PDE8B: variants seen among roughly 807,000 people sequenced by gnomAD.
The protein encoded by PDE8B is phosphodiesterase 8B.
A neutral mutation model predicts 101.3 loss-of-function variants in PDE8B; 26 were observed. The ratio of observed to expected loss-of-function variants is 0.26; its 90% CI spans 0.19 to 0.36. The LOEUF (loss-of-function observed/expected upper bound fraction) is 0.36, where lower values mean the gene tolerates loss of function less well. Among genes scored for constraint, PDE8B ranks in the 10% least tolerant of loss-of-function variants. The pLI, the probability that PDE8B is intolerant of heterozygous loss-of-function variation, is 1.00. For missense variants in PDE8B, 810 were observed against 1,163.1 expected, an observed-to-expected ratio of 0.70 and a Z score of 4.42; for synonymous variants, 424 against 429.3, an observed-to-expected ratio of 0.99 and a Z score of 0.15.
At chr5:77,311,381 G>A (rs1772578854) in intron 1 of PDE8B, among the ~76,000 whole-genome samples, 1 of 152,168 alleles carries the variant, frequency 6.6e-6, no homozygotes, top group Non-Finnish European at 1.5e-5. Flanking sequence ...CAAGCCTCTC[G>A]TGGTCATCAT....
At chr5:77,154,508 A>T in the PDE8B span, among the ~76,000 whole-genome samples, 1 of 152,214 alleles carries the variant, frequency 6.6e-6, no homozygotes, top group South Asian at 2.1e-4. Flanking sequence ...AGAATCGGTC[A>T]TGAAACTGGG....
At chr5:77,359,256 G>T (rs773644320) in intron 10 of PDE8B, among the ~76,000 whole-genome samples, 9 of 152,198 alleles carry the variant, frequency 5.9e-5, no homozygotes. Flanking sequence ...GCTGCTGGAG[G>T]TGATCATGCC....
In PDE8B at chr5:77,366,649, G is replaced by T. The variant is rs1784205540; in HGVS notation, c.1167+13243G>T. Among the ~76,000 whole-genome samples the T allele has an allele frequency of 2.0e-5, 3 of 152,112 alleles. No homozygotes were observed. In the South Asian group the frequency reaches 6.2e-4, roughly 32 times the overall value. On this transcript the variant is annotated intron_variant, in intron 10 of 21. Coordinates refer to ENST00000264917, the MANE Select transcript of PDE8B (RefSeq NM_003719.5). Reference sequence around the variant, plus strand: ...AATACAGCCTCGTGGGTGTGTGGGGGTCTGCCTGGCCTGCAGCAGCTCCAT... The same window carrying T: ...AATACAGCCTCGTGGGTGTGTGGGGTTCTGCCTGGCCTGCAGCAGCTCCAT...
the PDE8B span, among the ~76,000 whole-genome samples, chr5:77,130,647 T>C: frequency 1.3e-5 from 2 of 152,220 alleles, no homozygotes; most frequent in South Asian, 4.1e-4. Flanking sequence ...CACCTTATGG[T>C]AGAAAACACC....
chr5:77,251,996 C>G (rs1047958776), intron 1 of PDE8B, among the ~76,000 whole-genome samples: 1 of 152,158 alleles, frequency 6.6e-6, no homozygotes, highest in African/African-American at 2.4e-5. Context: ...CGAAGGCAGC[C>G]TCTATTTCTG....
the PDE8B span, chr5:77,105,819 C>T: frequency 4.6e-5 from 7 of 152,130 alleles, no homozygotes; most frequent in African/African-American, 1.7e-4. Flanking sequence ...TTAGTATTGC[C>T]TGTCTCTTTA....
At chr5:77,404,213 C>G (rs892597710) in intron 11 of PDE8B, among the ~76,000 whole-genome samples, 11 of 152,172 alleles carry the variant, frequency 7.2e-5, no homozygotes, top group African/African-American at 1.9e-4. Context: ...GTCTCGAACT[C>G]CTGACTTCGT....
Position 77,211,242 on chromosome 5 carries a change from A to G in PDE8B, c.317A>G (p.Gln106Arg). The G allele has an allele frequency of 6.3e-7, 1 of 1,576,340 alleles. No homozygotes were observed. Among genetic ancestry groups the G allele is most frequent in the East Asian group, 2.3e-5 (1 of 43,384 alleles). Residue 106 changes from glutamine to arginine, a missense_variant, in exon 1 of 22, where the codon CAG (glutamine) becomes CGG (arginine). This residue lies in a region of PDE8B where 251 missense variants were observed against 378.8 expected (regional missense o/e 0.66). Coordinates refer to ENST00000264917, the MANE Select transcript of PDE8B (RefSeq NM_003719.5). This position sits in a 1 kb window ranked among gnomAD's most constrained non-coding sequence, Gnocchi z 4.1. ...HCCSSAEAET[Q>R]TCYTSVKQVS... ...TGCAGCAGCGCCGAGGCCGAGACTC[A>G]GACCTGCTACACCAGCGTGAAGGTA... is the stretch of plus-strand genomic sequence containing the variant.
intron 1 of PDE8B, among the ~76,000 whole-genome samples, chr5:77,217,540 A>G (rs1048139664): frequency 2.8e-5 from 4 of 145,126 alleles, no homozygotes; most frequent in African/African-American, 1.0e-4. Context: ...GAAAACACCA[A>G]TTTTTTTTTT....
the PDE8B span, among the ~76,000 whole-genome samples, chr5:77,203,038 A>G: frequency 6.6e-6 from 1 of 152,200 alleles, no homozygotes; most frequent in Non-Finnish European, 1.5e-5. Context: ...AGTGATTTCT[A>G]ATGACTAGAA....
chr5:77,372,220 A>G (rs1430060759), intron 10 of PDE8B, among the ~76,000 whole-genome samples: 1 of 152,136 alleles, frequency 6.6e-6, no homozygotes, highest in East Asian at 1.9e-4. Flanking sequence ...CAACAACAAC[A>G]ACAACAACAA....
chr5:77,317,247 A>G (rs906817447), intron 2 of PDE8B, among the ~76,000 whole-genome samples: 1 of 152,164 alleles, frequency 6.6e-6, no homozygotes, highest in African/African-American at 2.4e-5. Context: ...GCTATGTCCT[A>G]ATGTTTTTAT....
At chr5:77,134,602 A>T in the PDE8B span, 1 of 152,274 alleles carries the variant, frequency 6.6e-6, no homozygotes, top group Non-Finnish European at 1.5e-5. Flanking sequence ...CTGCCTGTAC[A>T]CAATGGGACA....
At chr5:77,221,734 A>G (rs781713698) in intron 1 of PDE8B, among the ~76,000 whole-genome samples, 8 of 152,172 alleles carry the variant, frequency 5.3e-5, no homozygotes, top group Non-Finnish European at 1.0e-4. Flanking sequence ...TTTGCTTAGT[A>G]TCATTATGAA....
chr5:77,298,567 A>G (rs1769148826), intron 1 of PDE8B, among the ~76,000 whole-genome samples: 1 of 152,224 alleles, frequency 6.6e-6, no homozygotes, highest in African/African-American at 2.4e-5. Flanking sequence ...CTTTCTAATG[A>G]GAGTATAAAG....
chr5:77,309,941 A>ACCTTTTTTTTTTTTTTT lies in PDE8B; in HGVS notation c.340-2053_340-2052insCCTTTTTTTTTTTTTTT, dbSNP rs772985826. On this transcript the variant is annotated intron_variant, in intron 1 of 21. Transcript: ENST00000264917. Reference sequence around the variant, plus strand: ...AACTGGTTTCCCTTTTTAATCATTAATCTTTTTTTTTTTTTTTTTTTTTTT... The same window carrying ACCTTTTTTTTTTTTTTT: ...AACTGGTTTCCCTTTTTAATCATTAACCTTTTTTTTTTTTTTTTCTTTTTTTTTTTTTTTTTTTTTTT... Among the ~76,000 whole-genome samples, 6 of 83,116 alleles carry ACCTTTTTTTTTTTTTTT rather than the reference A, an allele frequency of 7.2e-5. 3 individuals carry two copies. Among genetic ancestry groups the ACCTTTTTTTTTTTTTTT allele is most frequent in the African/African-American group, 1.0e-4 (2 of 19,502 alleles). The allele number at this position is 83,116 out of a possible 152,430, so 54.5% of individuals were successfully genotyped here.
At chr5:77,280,185 C>T (rs932037721) in intron 1 of PDE8B, among the ~76,000 whole-genome samples, 11 of 152,148 alleles carry the variant, frequency 7.2e-5, no homozygotes, top group South Asian at 2.1e-4. Flanking sequence ...TTCCCAAGGT[C>T]ATGAGAGTGC....
the PDE8B span, among the ~76,000 whole-genome samples, chr5:77,116,224 A>ATATAT: frequency 6.7e-5 from 4 of 59,610 alleles, no homozygotes; most frequent in African/African-American, 2.9e-4. Context: ...ATATATATAT[A>ATATAT]TTTTTTTTTT....
Position 77,400,425 on chromosome 5 carries a change from C to T in PDE8B, c.1210+135C>T, listed in dbSNP as rs115965121. The stretch of plus-strand genomic sequence containing the variant: ...AGTGCTAAAATCCACGTGCTCATAT[C>T]ACAAGGTTGGCAAGCCAGAAGAAAA... On this transcript the variant is annotated intron_variant, in intron 11 of 21. Transcript: ENST00000264917. 5.5e-4 allele frequency: 388 copies of T among 711,272 alleles called. No individual in the cohort carries two copies. In the African/African-American group the frequency reaches 6.3e-3, roughly 12 times the overall value. 44.1% of individuals were successfully genotyped at this position (711,272 alleles called of 1,614,324 possible). A position where few individuals can be genotyped will look rare whatever the true frequency, so the allele number is the denominator to read the frequency against.
Sources: gnomAD v4.1 joint callset for allele counts (sites outside exome capture counted in the v4.1 genomes callset) on GRCh38, gnomAD v4.1.1 for gene constraint, gnomAD v4.1.1 regional missense constraint, Gnocchi (gnomAD v3.1) non-coding constraint, MANE v1.5 for transcripts, NCBI Gene and HGNC (gene_info 2026-07-23, HGNC 2026-07-21) for gene names.